SLC4A2: variants seen among roughly 807,000 people sequenced by gnomAD.
SLC4A2 encodes anion exchange protein 2.
In SLC4A2, 36 loss-of-function variants were observed where a neutral mutation model predicts 115.0. The observed-to-expected ratio is 0.31, with a 90% CI of 0.24 to 0.41. The LOEUF is 0.41. Among genes scored for constraint, SLC4A2 ranks in the 10% least tolerant of loss-of-function variants. The pLI is 1.00. For synonymous variants in SLC4A2, 708 were observed against 708.3 expected, an observed-to-expected ratio of 1.00 and a Z score of 0.01; for missense variants, 1,252 against 1,705.6, an observed-to-expected ratio of 0.73 and a Z score of 4.68.
rs1340916268 is a variant in SLC4A2, at chr7:151,063,068, G to T, written c.51+1030G>T. The T allele has an allele frequency of 2.0e-6, 3 of 1,515,442 alleles. No individual in the cohort carries two copies. The African/African-American group carries it at 4.2e-5, about 21-fold the overall frequency. 93.9% of individuals were successfully genotyped at this position (1,515,442 alleles called of 1,614,324 possible). On this transcript the variant is annotated intron_variant, in intron 2 of 22. Coordinates refer to ENST00000413384, the MANE Select transcript of SLC4A2 (RefSeq NM_003040.4). ...GGAGCTGAGACCGTGGGTGGGTGGG[G>T]GGCTGGACCAAGGCTGCCTGGCCAG...
upstream of SLC4A2, chr7:151,058,258 T>C (rs571908800): frequency 5.3e-5 from 14 of 262,070 alleles, no homozygotes; most frequent in East Asian, 1.2e-3. Context: ...CGTTCCAGAA[T>C]GCAGCGGAAA....
At chr7:151,058,259 G>A, upstream of SLC4A2, 1 of 263,340 alleles carries the variant, frequency 3.8e-6, no homozygotes, top group Non-Finnish European at 7.3e-6. Context: ...GTTCCAGAAT[G>A]CAGCGGAAAT....
At chr7:151,072,159 C>G (rs1185644686) in intron 16 of SLC4A2, 23 bp downstream of exon 16, 4 of 1,604,964 alleles carry the variant, frequency 2.5e-6, no homozygotes. Flanking sequence ...CTGCCGAGAG[C>G]TGGGCCAGGA....
chr7:151,071,893 C>G lies in SLC4A2; in HGVS notation c.2341-49C>G, dbSNP rs1486656703. 6.2e-7 allele frequency: 1 copy of G among 1,608,372 alleles called. No individual in the cohort carries two copies. The highest frequency in any genetic ancestry group is 1.1e-5 in the South Asian group (1 of 90,818). ...CCCCTCCCGTGCCCTAGACACCTCC[C>G]CACAGCATCCCCACCCAGAGCTCAG... On this transcript the variant is annotated intron_variant, in intron 15 of 22. Transcript: ENST00000413384. This position sits in a 1 kb window ranked among gnomAD's most constrained non-coding sequence, Gnocchi z 5.5.
chr7:151,067,309 C>T (rs1797268724), intron 7 of SLC4A2, among the ~76,000 whole-genome samples: 2 of 152,344 alleles, frequency 1.3e-5, no homozygotes, highest in South Asian at 4.1e-4. Flanking sequence ...TGGTCTCCAA[C>T]TCCTAGCCTC....
In SLC4A2 at chr7:151,074,835, T is replaced by A; in HGVS notation, c.3041T>A (p.Ile1014Asn). The A allele has an allele frequency of 1.2e-6, 2 of 1,607,888 alleles. No homozygotes were observed. The highest frequency in any genetic ancestry group is 1.7e-6 in the Non-Finnish European group (2 of 1,177,408). ...VFILIFMETQ[I>N]TTLIISKKER... ...ATTCTCATCTTCATGGAGACACAGA[T>A]CACCACGTGAGTGGTCCTAGCCAAA... The change falls in exon 19 of 23, where the codon ATC (isoleucine) becomes AAC (asparagine). Residue 1014 changes from isoleucine to asparagine, a missense_variant. Physicochemically the swap from Ile to Asn is moderately radical, Grantham distance 149 (BLOSUM62 -3). Coordinates refer to ENST00000413384, the MANE Select transcript of SLC4A2 (RefSeq NM_003040.4).
At chr7:151,068,242 C>A (rs960214525) in intron 8 of SLC4A2, among the ~76,000 whole-genome samples, 188 bp downstream of exon 8, 1 of 152,148 alleles carries the variant, frequency 6.6e-6, no homozygotes, top group African/African-American at 2.4e-5. Flanking sequence ...CAACTGAAGC[C>A]GATGTGTTTT....
At chr7:151,075,098 G>A in intron 19 of SLC4A2, 157 bp from the exon 20 acceptor site, 1 of 1,148,982 alleles carries the variant, frequency 8.7e-7, no homozygotes, top group Non-Finnish European at 1.3e-6. Flanking sequence ...GGGGGCCCAG[G>A]TTTTGCTCTG....
chr7:151,062,851 C>A, intron 2 of SLC4A2: 1 of 1,381,100 alleles, frequency 7.2e-7, no homozygotes, highest in Non-Finnish European at 9.3e-7. Flanking sequence ...TTCTCTTATC[C>A]GGTGTTCTGC....
Position 151,074,445 on chromosome 7 carries a change from T to C in SLC4A2, c.2837T>C (p.Ile946Thr). 6.2e-7 allele frequency: 1 copy of C among 1,614,018 alleles called. No homozygotes were observed. The highest frequency in any genetic ancestry group is 8.5e-7 in the Non-Finnish European group (1 of 1,180,018). Residue 946 changes from isoleucine to threonine, a missense_variant, in exon 18 of 23, where the codon ATC becomes ACC. This residue lies in a region of SLC4A2 where 253 missense variants were observed against 407.4 expected (regional missense o/e 0.62). Coordinates refer to ENST00000413384, the MANE Select transcript of SLC4A2 (RefSeq NM_003040.4). ...GDFGVPIAIL[I>T]MVLVDYSIED... Reference sequence around the variant, plus strand: ...TTTGGGGTGCCCATCGCCATCCTCATCATGGTGCTTGTGGATTACAGTATT... The same window carrying C: ...TTTGGGGTGCCCATCGCCATCCTCACCATGGTGCTTGTGGATTACAGTATT...
At chr7:151,074,350 G>T in intron 17 of SLC4A2, 49 bp from the exon 18 acceptor site, 1 of 1,611,500 alleles carries the variant, frequency 6.2e-7, no homozygotes. Flanking sequence ...GTGGCAGGAA[G>T]TCAGCGGCTG....
In SLC4A2 at chr7:151,071,808, C is replaced by T. The variant is rs780766199; in HGVS notation, c.2311C>T (p.Leu771=). 6.2e-7 allele frequency: 1 copy of T among 1,609,072 alleles called. No individual in the cohort carries two copies. Among genetic ancestry groups the T allele is most frequent in the South Asian group, 1.1e-5 (1 of 90,856 alleles). ...PLLVIGFSGP[L]LVFEEAFFSF... ...GTTGGTGATCGGCTTCTCAGGGCCC[C>T]TGCTGGTCTTTGAGGAGGCCTTCTT... Residue 771 remains leucine (L), a synonymous_variant, in exon 15 of 23, where the codon CTG becomes TTG. Transcript: ENST00000413384. This position sits in a 1 kb window ranked among gnomAD's most constrained non-coding sequence, Gnocchi z 5.5.
In SLC4A2 at chr7:151,067,243, G is replaced by A. The variant is rs368916616; in HGVS notation, c.966+250G>A. 1.6e-3 allele frequency among the ~76,000 whole-genome samples: 245 copies of A among 152,194 alleles called. 1 individual carries two copies. Among genetic ancestry groups the A allele is most frequent in the African/African-American group, 5.4e-3 (226 of 41,528 alleles). ...AGCTGGGATTACAGGCACCTGCTAC[G>A]CCCAGCTAATTTTTGTATTTTTAGT... On this transcript the variant is annotated intron_variant, in intron 7 of 22. Coordinates refer to ENST00000413384, the MANE Select transcript of SLC4A2 (RefSeq NM_003040.4).
chr7:151,072,244 T>A, intron 16 of SLC4A2, 108 bp downstream of exon 16: 1 of 883,018 alleles, frequency 1.1e-6, no homozygotes, highest in Non-Finnish European at 1.8e-6. Context: ...GTCTGGAGCA[T>A]CCCCGGGGCT....
chr7:151,070,611 G>A (rs1261640012), intron 11 of SLC4A2, 40 bp downstream of exon 11: 1 of 1,603,418 alleles, frequency 6.2e-7, no homozygotes, highest in Non-Finnish European at 8.5e-7. Context: ...TTGGTGGCCA[G>A]GCCTTGAGGC....
At chr7:151,075,863 G>A in intron 21 of SLC4A2, 88 bp downstream of exon 21, 7 of 1,443,704 alleles carry the variant, frequency 4.8e-6, no homozygotes, top group Non-Finnish European at 6.6e-6. Flanking sequence ...CCTCCCATCT[G>A]CCCAGTTCAG....
rs1797569507 is a variant in SLC4A2 at position 151,075,005 on chromosome 7, T to C, written c.3047+164T>C. The C allele has an allele frequency of 4.5e-6, 4 of 889,292 alleles. No homozygotes were observed. In the South Asian group the frequency reaches 5.0e-5, roughly 11 times the overall value. The allele number at this position is 889,292 out of a possible 1,614,324, so 55.1% of individuals were successfully genotyped here. ...TCTGTAGACAGCAGAAAAACCCCGA[T>C]GTTTGCTGGGACAGGAACAGCACGT... On this transcript the variant is annotated intron_variant, in intron 19 of 22. Coordinates refer to ENST00000413384, the MANE Select transcript of SLC4A2 (RefSeq NM_003040.4).
Position 151,060,894 on chromosome 7 carries a change from A to G in SLC4A2, c.-63-1031A>G, listed in dbSNP as rs1321670582. On this transcript the variant is annotated intron_variant, in intron 1 of 22. Coordinates refer to ENST00000413384, the MANE Select transcript of SLC4A2 (RefSeq NM_003040.4). The surrounding 1 kb of genome is among the most constrained non-coding windows in gnomAD (Gnocchi z 5.9). ...TCTTACTCCTAAGTCAGGCACCCCC[A>G]GTCCCCAGCAACACACTGGGAGCAT... is the stretch of plus-strand genomic sequence containing the variant. Among the ~76,000 whole-genome samples the G allele has an allele frequency of 6.6e-6, 1 of 152,106 alleles. No individual in the cohort carries two copies. The highest frequency in any genetic ancestry group is 2.4e-5 in the African/African-American group (1 of 41,412).
Position 151,074,412 on chromosome 7 carries a change from T to C in SLC4A2, c.2804T>C (p.Ile935Thr), listed in dbSNP as rs1355436583. 5.0e-6 allele frequency: 8 copies of C among 1,613,788 alleles called. No individual in the cohort carries two copies. Among genetic ancestry groups the C allele is most frequent in the Middle Eastern group, 1.6e-4 (1 of 6,084 alleles). ...RFFPGRIRRV[I>T]GDFGVPIAIL... ...CTGCCCACTCAGATCCGGCGGGTGA[T>C]TGGGGACTTTGGGGTGCCCATCGCC... Residue 935 changes from isoleucine to threonine, a missense_variant, in exon 18 of 23, where the codon ATT becomes ACT. By Grantham distance (89) the Ile-to-Thr change is moderately conservative. Around this residue, in one of 14 missense-constraint regions of SLC4A2, gnomAD observed 253 missense variants for 407.4 expected, o/e 0.62. Coordinates refer to ENST00000413384, the MANE Select transcript of SLC4A2 (RefSeq NM_003040.4).
Sources: gnomAD v4.1 joint callset for allele counts (sites outside exome capture counted in the v4.1 genomes callset) on GRCh38, gnomAD v4.1.1 for gene constraint, gnomAD v4.1.1 regional missense constraint, Gnocchi (gnomAD v3.1) non-coding constraint, MANE v1.5 for transcripts, NCBI Gene and HGNC (gene_info 2026-07-23, HGNC 2026-07-21) for gene names.